The following MRRF variants were observed in gnomAD, a reference collection of about 807,000 sequenced individuals.
MRRF encodes ribosome-recycling factor, mitochondrial.
In MRRF, 18 loss-of-function variants were observed where a neutral mutation model predicts 25.1. The ratio of observed to expected loss-of-function variants is 0.72; its 90% CI spans 0.50 to 1.06. The LOEUF is 1.06. MRRF is among the 50% of genes least tolerant of loss of function. The pLI, the probability that MRRF is intolerant of heterozygous loss-of-function variation, is 0.00. For missense variants in MRRF, 323 were observed against 319.3 expected, an observed-to-expected ratio of 1.01 and a Z score of -0.09; for synonymous variants, 113 against 112.1, an observed-to-expected ratio of 1.01 and a Z score of -0.05.
chr9:122,285,852 A>G (rs778088711), intron 4 of MRRF: 4 of 1,285,664 alleles, frequency 3.1e-6, no homozygotes, highest in Admixed American at 2.6e-5. Context: ...TGACCTCTGC[A>G]TTAGTATTTG....
At chr9:122,269,780 A>G (rs768886661) in intron 1 of MRRF, among the ~76,000 whole-genome samples, 2 of 152,214 alleles carry the variant, frequency 1.3e-5, no homozygotes, top group Non-Finnish European at 2.9e-5. Flanking sequence ...GGTGATAGCT[A>G]TCAACAGGTA....
At chr9:122,285,889 A>G in intron 4 of MRRF, 1 of 1,292,932 alleles carries the variant, frequency 7.7e-7, no homozygotes, top group Non-Finnish European at 1.0e-6. Context: ...AAGTCCTTTT[A>G]TACTAGACTG....
Position 122,322,894 on chromosome 9 carries a change from C to G in MRRF, c.*277C>G, listed in dbSNP as rs1835972385. On this transcript the variant is annotated 3_prime_UTR_variant, in exon 7 of 7. Transcript: ENST00000344641. ...GCTTTGACTTGATGTTGCCAAGGGACTGAGGCCATTGGCAGGCTTAGTACC... is the reference window on the plus strand; with the variant it reads ...GCTTTGACTTGATGTTGCCAAGGGAGTGAGGCCATTGGCAGGCTTAGTACC... The G allele has an allele frequency of 3.7e-6, 2 of 539,014 alleles. No individual in the cohort carries two copies. The highest frequency in any genetic ancestry group is 3.8e-5 in the African/African-American group (2 of 52,658). The allele number at this position is 539,014 out of a possible 1,614,324, so 33.4% of individuals were successfully genotyped here. A position where few individuals can be genotyped will look rare whatever the true frequency, so the allele number is the denominator to read the frequency against.
In MRRF at chr9:122,326,584, A is replaced by C. The variant is rs565132809; in HGVS notation, c.*3967A>C. On this transcript the variant is annotated 3_prime_UTR_variant, in exon 7 of 7. Coordinates refer to ENST00000344641, the MANE Select transcript of MRRF (RefSeq NM_138777.5). The stretch of plus-strand genomic sequence containing the variant: ...TGGGTCTACCATAACTTAATTCACT[A>C]TTAGCCCATGACACTATTTAAAAAT... The C allele has an allele frequency of 1.1e-4, 16 of 152,288 alleles. No homozygotes were observed. The East Asian group carries it at 3.1e-3, about 29-fold the overall frequency. 9.4% of individuals were successfully genotyped at this position (152,288 alleles called of 1,614,324 possible).
intron 6 of MRRF, among the ~76,000 whole-genome samples, chr9:122,322,149 A>G (rs542255425): frequency 7.6e-4 from 116 of 152,322 alleles, no homozygotes; most frequent in African/African-American, 2.5e-3. Context: ...TCACGAGGTC[A>G]GGAGATTGAG....
chr9:122,310,491 G>C (rs1202012982), intron 5 of MRRF, among the ~76,000 whole-genome samples: 1 of 152,336 alleles, frequency 6.6e-6, no homozygotes, highest in South Asian at 2.1e-4. Context: ...TTCTTCTGCA[G>C]CTAACAAGTT....
chr9:122,316,797 G>C (rs1835558577), intron 6 of MRRF, among the ~76,000 whole-genome samples: 1 of 149,724 alleles, frequency 6.7e-6, no homozygotes, highest in South Asian at 2.1e-4. Context: ...TAACATTTTG[G>C]AATATTTCTT....
chr9:122,274,404 C>A (rs1462659659), intron 2 of MRRF, among the ~76,000 whole-genome samples: 1 of 152,144 alleles, frequency 6.6e-6, no homozygotes, highest in East Asian at 1.9e-4. Flanking sequence ...CGTCTGTAAT[C>A]CCAGGACTTT....
At chr9:122,271,651 A>G (rs144092815) in intron 2 of MRRF, among the ~76,000 whole-genome samples, 2 of 152,382 alleles carry the variant, frequency 1.3e-5, no homozygotes, top group East Asian at 3.8e-4. Context: ...TGATGCACTT[A>G]GAACAGCAGT....
intron 5 of MRRF, among the ~76,000 whole-genome samples, chr9:122,299,058 G>C (rs553645388): frequency 6.6e-6 from 1 of 152,160 alleles, no homozygotes; most frequent in East Asian, 2.0e-4. Flanking sequence ...AACAGCAAGA[G>C]GGCCATGTGC....
At chr9:122,306,888 C>G (rs2118918797) in intron 5 of MRRF, among the ~76,000 whole-genome samples, 1 of 152,308 alleles carries the variant, frequency 6.6e-6, no homozygotes, top group South Asian at 2.1e-4. Flanking sequence ...AACCAGGCAT[C>G]AGTCACAGAA....
chr9:122,281,920 C>G (rs16911577), intron 3 of MRRF, among the ~76,000 whole-genome samples: 1 of 152,082 alleles, frequency 6.6e-6, no homozygotes, highest in South Asian at 2.1e-4. Context: ...TATGTCGATA[C>G]GGATTTAGGA....
rs971649330 is a variant in MRRF, at chr9:122,328,408, C to T, written c.*5791C>T. On this transcript the variant is annotated 3_prime_UTR_variant, in exon 7 of 7. Transcript: ENST00000344641. ...CAACCCCAGTTCCCCCTTCTCAGCC[C>T]CCAGCAACCACCATTTATGAATTTA... The T allele has an allele frequency of 2.0e-5, 3 of 152,150 alleles. No individual in the cohort carries two copies. The highest frequency in any genetic ancestry group is 6.5e-5 in the Admixed American group (1 of 15,280). 9.4% of individuals were successfully genotyped at this position (152,150 alleles called of 1,614,324 possible).
chr9:122,277,855 T>A (rs1832871408), intron 2 of MRRF, among the ~76,000 whole-genome samples: 1 of 152,176 alleles, frequency 6.6e-6, no homozygotes, highest in African/African-American at 2.4e-5. Flanking sequence ...CCTGGCCTTA[T>A]TTTGGACTTT....
rs781259008 is a variant in MRRF, at chr9:122,270,907, A to G, written c.16A>G (p.Lys6Glu). 1.5e-5 allele frequency: 25 copies of G among 1,614,014 alleles called. No individual in the cohort carries two copies. In the Admixed American group the frequency reaches 2.5e-4, roughly 16 times the overall value. ...GTCTTCAGTCATGGCCTTGGGATTA[A>G]AGTGCTTCCGCATGGTCCACCCTAC... is the stretch of plus-strand genomic sequence containing the variant. MALGLKCFRMVHPTFR... is the reference protein window; with the variant it reads MALGLECFRMVHPTFR... The change falls in exon 2 of 7, where the codon AAG becomes GAG. Residue 6 changes from lysine to glutamate, a missense_variant. Lys to Glu is a moderately conservative substitution (Grantham distance 56). Coordinates refer to ENST00000344641, the MANE Select transcript of MRRF (RefSeq NM_138777.5).
At position 122,291,836 on chromosome 9, in the gene MRRF, C is replaced by T. The variant is rs777756492; in HGVS notation, c.547C>T (p.Pro183Ser). 5.6e-6 allele frequency: 9 copies of T among 1,611,596 alleles called. No homozygotes were observed. The highest frequency in any genetic ancestry group is 1.3e-5 in the African/African-American group (1 of 74,992). ...AGGGACGCTAATTCGGGTACCCATT[C>T]CCCAGTAAGTTTGGCTGAAATTCAC... ...VEGTLIRVPIPQVTREHREML... is the reference protein window; with the variant it reads ...VEGTLIRVPISQVTREHREML... Residue 183 changes from proline (P) to serine (S), a missense_variant, in exon 5 of 7, where the codon CCC becomes TCC. Coordinates refer to ENST00000344641, the MANE Select transcript of MRRF (RefSeq NM_138777.5).
chr9:122,323,203 C>T lies in MRRF; in HGVS notation c.*586C>T, dbSNP rs1257148709. 3 of 162,298 alleles carry T rather than the reference C, an allele frequency of 1.8e-5. No homozygotes were observed. Among genetic ancestry groups the T allele is most frequent in the Non-Finnish European group, 4.1e-5 (3 of 73,160 alleles). 10.1% of individuals were successfully genotyped at this position (162,298 alleles called of 1,614,324 possible). A position where few individuals can be genotyped will look rare whatever the true frequency, so the allele number is the denominator to read the frequency against. On this transcript the variant is annotated 3_prime_UTR_variant, in exon 7 of 7. Coordinates refer to ENST00000344641, the MANE Select transcript of MRRF (RefSeq NM_138777.5). Reference sequence around the variant, plus strand: ...TGTTTTCTCTGCCTGGCTCTCTCTTCCCCTCCTTACCTGGCCAGTCCTGTT... The same window carrying T: ...TGTTTTCTCTGCCTGGCTCTCTCTTTCCCTCCTTACCTGGCCAGTCCTGTT...
At position 122,330,837 on chromosome 9, in the gene MRRF, G is replaced by A. The variant is rs1836265413; in HGVS notation, c.*8220G>A. 1 of 152,306 alleles carries A rather than the reference G, an allele frequency of 6.6e-6. No individual in the cohort carries two copies. The highest frequency in any genetic ancestry group is 1.9e-4 in the East Asian group (1 of 5,190). The allele number at this position is 152,306 out of a possible 1,614,324, so 9.4% of individuals were successfully genotyped here. A position where few individuals can be genotyped will look rare whatever the true frequency, so the allele number is the denominator to read the frequency against. On this transcript the variant is annotated 3_prime_UTR_variant, in exon 7 of 7. Coordinates refer to ENST00000344641, the MANE Select transcript of MRRF (RefSeq NM_138777.5). The surrounding 1 kb of genome is among the most constrained non-coding windows in gnomAD (Gnocchi z 4.2). The stretch of plus-strand genomic sequence containing the variant: ...CCCAGCTACTTCGGAGGCTGAAGCA[G>A]GAGAATCACTTGAACCCAGGAGGCA...
At chr9:122,274,126 T>A (rs904270573) in intron 2 of MRRF, among the ~76,000 whole-genome samples, 1 of 152,188 alleles carries the variant, frequency 6.6e-6, no homozygotes, top group Non-Finnish European at 1.5e-5. Flanking sequence ...TTTGAATAAA[T>A]GTGACTGGTG....
Sources: gnomAD v4.1 joint callset for allele counts (sites outside exome capture counted in the v4.1 genomes callset) on GRCh38, gnomAD v4.1.1 for gene constraint, Gnocchi (gnomAD v3.1) non-coding constraint, MANE v1.5 for transcripts, NCBI Gene and HGNC (gene_info 2026-07-23, HGNC 2026-07-21) for gene names.